Variants in MAD1L1 observed in about 807,000 individuals in gnomAD.
The protein encoded by MAD1L1 is mitotic spindle assembly checkpoint protein MAD1.
MAD1L1 carries 95 observed loss-of-function variants against 96.9 expected under a neutral mutation model. That is an observed-to-expected ratio of 0.98 (90% CI 0.83 to 1.16). The LOEUF (loss-of-function observed/expected upper bound fraction) is 1.16. Ranked by LOEUF, MAD1L1 falls within the 50% of genes most tolerant of loss-of-function variation. The pLI is 0.00. For missense variants in MAD1L1, 1,007 were observed against 954.4 expected (o/e 1.06, Z -0.73); for synonymous variants, 473 against 396.6 (o/e 1.19, Z -2.29).
At chr7:1,828,120 C>G (rs1312568679) in intron 18 of MAD1L1, among the ~76,000 whole-genome samples, 1 of 152,014 alleles carries the variant, frequency 6.6e-6, no homozygotes. Context: ...GACAAAATGC[C>G]TATTTTCCCA....
intron 18 of MAD1L1, among the ~76,000 whole-genome samples, chr7:1,864,205 G>A (rs1160652591): frequency 6.6e-6 from 1 of 152,206 alleles, no homozygotes; most frequent in African/African-American, 2.4e-5. Context: ...CAGACAGTTG[G>A]GGAGCCGCTT....
At chr7:2,042,050 C>T (rs1443225936) in intron 12 of MAD1L1, among the ~76,000 whole-genome samples, 1 of 152,096 alleles carries the variant, frequency 6.6e-6, no homozygotes, top group African/African-American at 2.4e-5. Context: ...GACATGCACA[C>T]AGACACACAG....
At chr7:1,988,332 C>T (rs557197884) in intron 14 of MAD1L1, among the ~76,000 whole-genome samples, 3 of 152,262 alleles carry the variant, frequency 2.0e-5, no homozygotes, top group East Asian at 3.9e-4. Flanking sequence ...GGCCGTCCCC[C>T]GTTCAGGTGG....
chr7:1,874,095 G>A (rs1035223095), intron 18 of MAD1L1, among the ~76,000 whole-genome samples: 8 of 152,196 alleles, frequency 5.3e-5, no homozygotes, highest in African/African-American at 9.7e-5. Flanking sequence ...CGGGGATCCC[G>A]GGACGGTGTT....
At chr7:1,947,180 T>C (rs1779268000) in intron 16 of MAD1L1, among the ~76,000 whole-genome samples, 1 of 152,102 alleles carries the variant, frequency 6.6e-6, no homozygotes, top group African/African-American at 2.4e-5. Context: ...AGGAGCTGGG[T>C]GCCATGGGCC....
At chr7:1,885,100 C>G (rs1404111290) in intron 18 of MAD1L1, among the ~76,000 whole-genome samples, 1 of 152,134 alleles carries the variant, frequency 6.6e-6, no homozygotes, top group African/African-American at 2.4e-5. Context: ...AGGCGGGGAC[C>G]CAGGAGCAGA....
At chr7:2,034,820 C>T (rs796943253) in intron 12 of MAD1L1, among the ~76,000 whole-genome samples, 4 of 152,356 alleles carry the variant, frequency 2.6e-5, no homozygotes, top group African/African-American at 9.6e-5. Context: ...TTGGTGCTAC[C>T]TCTGGGTGCA....
At chr7:1,903,761 T>C (rs1240330061) in intron 17 of MAD1L1, among the ~76,000 whole-genome samples, 60 of 103,468 alleles carry the variant, frequency 5.8e-4, no homozygotes, top group South Asian at 1.1e-3. Context: ...TCTTGCAGAA[T>C]TCATGATTGA....
At chr7:2,156,999 T>C (rs1182040044) in intron 10 of MAD1L1, among the ~76,000 whole-genome samples, 2 of 152,186 alleles carry the variant, frequency 1.3e-5, no homozygotes, top group African/African-American at 4.8e-5. Flanking sequence ...TGCGGTTCTC[T>C]GTCAATCTGA....
intron 11 of MAD1L1, among the ~76,000 whole-genome samples, chr7:2,099,822 C>T (rs73038442): frequency 0.3 from 45,468 of 152,250 alleles, 8,369 homozygotes; most frequent in East Asian, 0.51. Flanking sequence ...GAAACTATCC[C>T]CAGTGGGACT....
rs1256418718 is a variant in MAD1L1, at chr7:2,119,274, C to T, written c.1073+29878G>A. 1.3e-5 allele frequency among the ~76,000 whole-genome samples: 2 copies of T among 152,208 alleles called. No homozygotes were observed. Among genetic ancestry groups the T allele is most frequent in the East Asian group, 3.8e-4 (2 of 5,196 alleles). ...AAGTGACCAAAGGAGTGCCCCGCCC[C>T]TGGTTCACAGACATGAGAAGCTCCC... is the stretch of plus-strand genomic sequence containing the variant. On this transcript the variant is annotated intron_variant, in intron 11 of 18. Coordinates refer to ENST00000265854, the MANE Select transcript of MAD1L1 (RefSeq NM_001013836.2). The surrounding 1 kb of genome is among the most constrained non-coding windows in gnomAD (Gnocchi z 4.6).
intron 10 of MAD1L1, among the ~76,000 whole-genome samples, chr7:2,210,312 C>T (rs1018309496): frequency 3.3e-5 from 5 of 152,168 alleles, no homozygotes; most frequent in African/African-American, 9.7e-5. Flanking sequence ...CTCGAGCAAT[C>T]CCCCTGCGGC....
chr7:1,985,254 A>C (rs1488458901), intron 14 of MAD1L1, among the ~76,000 whole-genome samples: 1 of 152,336 alleles, frequency 6.6e-6, no homozygotes, highest in East Asian at 1.9e-4. Context: ...AAACTGGAGG[A>C]GGCGACCGTT....
At chr7:1,964,501 G>A (rs891034988) in intron 15 of MAD1L1, among the ~76,000 whole-genome samples, 6 of 152,200 alleles carry the variant, frequency 3.9e-5, no homozygotes, top group Non-Finnish European at 5.9e-5. Flanking sequence ...CACAGAGAGC[G>A]AGAAAGAGAA....
chr7:1,892,900 ACTT>A (rs1298574247), intron 18 of MAD1L1, among the ~76,000 whole-genome samples: 1 of 152,148 alleles, frequency 6.6e-6, no homozygotes. Context: ...TGGTCACTCC[ACTT>A]CTTCTTACCA....
At chr7:2,186,569 T>C (rs1205167369) in intron 10 of MAD1L1, among the ~76,000 whole-genome samples, 1 of 152,244 alleles carries the variant, frequency 6.6e-6, no homozygotes, top group Non-Finnish European at 1.5e-5. Flanking sequence ...AAGTTTCACT[T>C]TAATTCTGTA....
At chr7:2,037,359 G>A (rs746980203) in intron 12 of MAD1L1, among the ~76,000 whole-genome samples, 11 of 152,166 alleles carry the variant, frequency 7.2e-5, no homozygotes, top group Admixed American at 1.3e-4. Context: ...CATGGACCCA[G>A]GCACGCCTTG....
chr7:2,038,658 G>A (rs141927001), intron 12 of MAD1L1, among the ~76,000 whole-genome samples: 2 of 151,904 alleles, frequency 1.3e-5, no homozygotes, highest in East Asian at 3.9e-4. Flanking sequence ...GATTACAAGT[G>A]TGTGCCACCA....
At chr7:2,102,175 C>T (rs1786813234) in intron 11 of MAD1L1, among the ~76,000 whole-genome samples, 1 of 149,698 alleles carries the variant, frequency 6.7e-6, no homozygotes, top group African/African-American at 2.4e-5. Context: ...AACACTGCCA[C>T]TGTCACCACA....
Sources: gnomAD v4.1 joint callset for allele counts (sites outside exome capture counted in the v4.1 genomes callset) on GRCh38, gnomAD v4.1.1 for gene constraint, Gnocchi (gnomAD v3.1) non-coding constraint, MANE v1.5 for transcripts, NCBI Gene and HGNC (gene_info 2026-07-23, HGNC 2026-07-21) for gene names.